Variants in ANK1 observed in about 807,000 individuals in gnomAD.
ANK1 encodes the protein ankyrin 1, also known as ankyrin-1.
ANK1 carries 51 observed loss-of-function variants against 210.4 expected under a neutral mutation model. That is an observed-to-expected ratio of 0.24 (90% CI 0.19 to 0.31). The LOEUF is 0.31. ANK1 is among the 10% of genes least tolerant of loss of function. ANK1 has a pLI of 1.00. For synonymous variants in ANK1, 967 were observed against 1,025.9 expected (o/e 0.94, Z 1.10); for missense variants, 2,051 against 2,504.4 (o/e 0.82, Z 3.86).
intron 1 of ANK1, among the ~76,000 whole-genome samples, chr8:41,838,332 G>A (rs751203453): frequency 6.6e-6 from 1 of 152,218 alleles, no homozygotes; most frequent in African/African-American, 2.4e-5. Context: ...TTTCCACGCT[G>A]TAGGACCTGA....
At chr8:41,745,710 T>C (rs1441599595) in intron 2 of ANK1, among the ~76,000 whole-genome samples, 1 of 152,086 alleles carries the variant, frequency 6.6e-6, no homozygotes, top group African/African-American at 2.4e-5. Flanking sequence ...TTCCTTTCTT[T>C]CTTTTAGAGA....
At chr8:41,752,799 C>CA (rs1337980077) in intron 2 of ANK1, among the ~76,000 whole-genome samples, 2 of 8,332 alleles carry the variant, frequency 2.4e-4, no homozygotes, top group Non-Finnish European at 7.5e-4. Context: ...CACACACAGG[C>CA]CCCCCCCCAC....
chr8:41,802,652 G>A (rs1203063208), intron 1 of ANK1, among the ~76,000 whole-genome samples: 1 of 152,038 alleles, frequency 6.6e-6, no homozygotes. Context: ...CTCTAGAAAA[G>A]CATCATAACA....
intron 1 of ANK1, among the ~76,000 whole-genome samples, chr8:41,777,447 C>T (rs1051690882): frequency 6.6e-6 from 1 of 152,084 alleles, no homozygotes; most frequent in Non-Finnish European, 1.5e-5. Context: ...TGGTGGCGTG[C>T]ACCTATAATC....
intron 16 of ANK1, among the ~76,000 whole-genome samples, chr8:41,711,672 T>C (rs1458633761): frequency 1.3e-5 from 2 of 152,222 alleles, no homozygotes; most frequent in African/African-American, 2.4e-5. Context: ...AATCTGCCTA[T>C]AACCTCTGGG....
chr8:41,774,040 CAGAATTCCTAA>C (rs55944545), intron 1 of ANK1, among the ~76,000 whole-genome samples: 81,034 of 151,590 alleles, frequency 0.53, 23,314 homozygotes, highest in Middle Eastern at 0.68. Context: ...GAAATAGAAC[CAGAATTCCTAA>C]AGAACAAAAT....
intron 1 of ANK1, among the ~76,000 whole-genome samples, chr8:41,780,491 C>G (rs972562109): frequency 6.6e-6 from 1 of 152,200 alleles, no homozygotes. Flanking sequence ...GGGGGTGAGA[C>G]GTCCTCCTCT....
rs1242058507 is a variant in ANK1 at position 41,654,783 on chromosome 8, A to AGT, written c.*1005_*1006dup. The AGT allele has an allele frequency of 1.3e-5, 2 of 152,742 alleles. No individual in the cohort carries two copies. The highest frequency in any genetic ancestry group is 2.9e-5 in the Non-Finnish European group (2 of 68,070). The allele number at this position is 152,742 out of a possible 1,614,324, so 9.5% of individuals were successfully genotyped here. On this transcript the variant is annotated 3_prime_UTR_variant, in exon 43 of 43. Transcript: ENST00000289734. ...ACACTTTGAACACGGACTATGATAT[A>AGT]GTGCTTGAAGACATAGAAAACCTCT...
chr8:41,765,157 T>C (rs1041207147), intron 1 of ANK1, among the ~76,000 whole-genome samples: 4 of 146,980 alleles, frequency 2.7e-5, no homozygotes, highest in African/African-American at 5.1e-5. Context: ...CCTTCTTCCT[T>C]CCTTTCCTTT....
intron 1 of ANK1, among the ~76,000 whole-genome samples, chr8:41,804,960 A>G (rs1238615763): frequency 1.3e-5 from 2 of 152,188 alleles, no homozygotes; most frequent in Non-Finnish European, 2.9e-5. Flanking sequence ...TCATTCCGGT[A>G]AACTTAGAGA....
At chr8:41,765,791 A>G (rs895849131) in intron 1 of ANK1, among the ~76,000 whole-genome samples, 1 of 152,276 alleles carries the variant, frequency 6.6e-6, no homozygotes, top group African/African-American at 2.4e-5. Context: ...CTAATATAGC[A>G]ATAGATGGGG....
intron 1 of ANK1, among the ~76,000 whole-genome samples, chr8:41,824,843 G>A (rs1351993746): frequency 2.0e-5 from 3 of 152,210 alleles, no homozygotes; most frequent in African/African-American, 7.2e-5. Context: ...CACAGAGCGT[G>A]AAGGCAGGGG....
At chr8:41,686,680 C>G (rs1398008842) in intron 35 of ANK1, among the ~76,000 whole-genome samples, 1 of 152,154 alleles carries the variant, frequency 6.6e-6, no homozygotes, top group African/African-American at 2.4e-5. Context: ...CGATTCTCAC[C>G]CCAGCACTGC....
intron 1 of ANK1, among the ~76,000 whole-genome samples, chr8:41,780,256 T>G (rs1483553048): frequency 6.6e-6 from 1 of 152,026 alleles, no homozygotes; most frequent in African/African-American, 2.4e-5. Context: ...CCAGTCTGGG[T>G]TCAAGCAATC....
chr8:41,805,632 A>G (rs183877084), intron 1 of ANK1, among the ~76,000 whole-genome samples: 116 of 152,336 alleles, frequency 7.6e-4, no homozygotes, highest in Non-Finnish European at 1.8e-4. Context: ...AAAACTATGT[A>G]TATATTAATT....
chr8:41,805,011 C>T (rs1477794395), intron 1 of ANK1, among the ~76,000 whole-genome samples: 1 of 151,912 alleles, frequency 6.6e-6, no homozygotes, highest in East Asian at 1.9e-4. Context: ...TCTCGGGACC[C>T]TTTTACAGTA....
Position 41,692,809 on chromosome 8 carries a change from G to T in ANK1, c.3697C>A (p.Leu1233Ile). 1 of 1,614,152 alleles carries T rather than the reference G, an allele frequency of 6.2e-7. No homozygotes were observed. The highest frequency in any genetic ancestry group is 8.5e-7 in the Non-Finnish European group (1 of 1,180,028). The change falls in exon 31 of 43, where the codon CTC (leucine) becomes ATC (isoleucine). Residue 1233 changes from leucine to isoleucine, a missense_variant. By Grantham distance (5) the Leu-to-Ile change is conservative (BLOSUM62 2). This residue lies in a region of ANK1 where 1,413 missense variants were observed against 1,707.4 expected (regional missense o/e 0.83). Coordinates refer to ENST00000289734, the MANE Select transcript of ANK1 (RefSeq NM_000037.4). ...VNFATLLYKELTAVPYMAKFV... is the reference protein window; with the variant it reads ...VNFATLLYKEITAVPYMAKFV... ...TTGGCCATGTAGGGCACTGCAGTGA[G>T]CTCTTTGTACAGCAGGGTGGCAAAG...
At chr8:41,731,961 G>A (rs1459867604) in intron 3 of ANK1, among the ~76,000 whole-genome samples, 1 of 152,214 alleles carries the variant, frequency 6.6e-6, no homozygotes, top group Non-Finnish European at 1.5e-5. Flanking sequence ...GAAAAGCAGG[G>A]TGGGAACAAT....
chr8:41,749,422 C>T (rs1223282762), intron 2 of ANK1, among the ~76,000 whole-genome samples: 1 of 150,142 alleles, frequency 6.7e-6, no homozygotes, highest in African/African-American at 2.4e-5. Context: ...CTCAGACTAC[C>T]AAGTAGCTAG....
Sources: allele counts gnomAD v4.1 joint callset (sites outside exome capture counted in the v4.1 genomes callset), GRCh38; gene constraint gnomAD v4.1.1; regional missense constraint gnomAD v4.1.1; transcripts MANE v1.5; gene names NCBI Gene and HGNC (gene_info 2026-07-23, HGNC 2026-07-21).